CAPN11: variants seen among roughly 807,000 people sequenced by gnomAD.
CAPN11 encodes calpain-11.
CAPN11 carries 108 observed loss-of-function variants against 105.3 expected under a neutral mutation model. The ratio of observed to expected loss-of-function variants is 1.03; its 90% CI spans 0.88 to 1.20. The LOEUF (loss-of-function observed/expected upper bound fraction) is 1.20, where lower values mean the gene tolerates loss of function less well. CAPN11 is among the 50% of genes most tolerant of loss of function. The pLI is 0.00. For missense variants in CAPN11, 883 were observed against 924.8 expected (o/e 0.95, Z 0.59); for synonymous variants, 329 against 344.5 (o/e 0.96, Z 0.50).
chr6:44,166,866 C>T (rs530355526), intron 2 of CAPN11, 37 bp downstream of exon 2: 1 of 1,374,990 alleles, frequency 7.3e-7, no homozygotes, highest in South Asian at 1.2e-5. Context: ...TGTGGCCTCC[C>T]TTTTTCTTCC....
chr6:44,182,609 T>C (rs1448529138), intron 19 of CAPN11, among the ~76,000 whole-genome samples: 1 of 152,174 alleles, frequency 6.6e-6, no homozygotes, highest in Non-Finnish European at 1.5e-5. Flanking sequence ...TTTCTTTTTT[T>C]TGAGACGGAA....
chr6:44,173,376 GC>G lies in CAPN11; in HGVS notation c.822del (p.Ser275ProfsTer13). 1 of 1,608,808 alleles carries G rather than the reference GC, an allele frequency of 6.2e-7. No homozygotes were observed. On this transcript the variant is annotated frameshift_variant, in exon 7 of 23. Transcript: ENST00000398776. LOFTEE classifies it high-confidence loss of function. Reference sequence around the variant, plus strand: ...GTGGAGCGATCCTCCCTCATGGGTTGCTCCATTGAAGTAAGCAAAGCATGGT... The same window carrying G: ...GTGGAGCGATCCTCCCTCATGGGTTGTCCATTGAAGTAAGCAAAGCATGGT... ...KAVERSSLMG[C>X]SIEVTSDSEL...
Position 44,184,315 on chromosome 6 carries a change from C to A in CAPN11, c.*383C>A, listed in dbSNP as rs1360662223. The A allele has an allele frequency of 3.8e-6, 1 of 264,798 alleles. No homozygotes were observed. Among genetic ancestry groups the A allele is most frequent in the Non-Finnish European group, 7.3e-6 (1 of 137,288 alleles). The allele number at this position is 264,798 out of a possible 1,614,324, so 16.4% of individuals were successfully genotyped here. On this transcript the variant is annotated 3_prime_UTR_variant, in exon 23 of 23. Coordinates refer to ENST00000398776, the MANE Select transcript of CAPN11 (RefSeq NM_007058.4). ...TCCATGCTTGCTGTCCTGCTCACAC[C>A]TACCTGCTGACCACCCATCCTGGCA...
intron 19 of CAPN11, 98 bp downstream of exon 19, chr6:44,181,418 A>ACACACACACACACCCAACAACACCACACT (rs1561853608): frequency 2.2e-5 from 2 of 90,718 alleles, no homozygotes; most frequent in African/African-American, 1.4e-4. Flanking sequence ...AGCCCTAACC[A>ACACACACACACACCCAACAACACCACACT]CACACACACA....
chr6:44,176,266 G>A lies in CAPN11; in HGVS notation c.929G>A (p.Gly310Asp). 6.2e-7 allele frequency: 1 copy of A among 1,613,836 alleles called. No homozygotes were observed. Among genetic ancestry groups the A allele is most frequent in the Non-Finnish European group, 8.5e-7 (1 of 1,179,836 alleles). The change falls in exon 9 of 23, where the codon GGC becomes GAC. Residue 310 changes from glycine (G) to aspartate (D), a missense_variant. Coordinates refer to ENST00000398776, the MANE Select transcript of CAPN11 (RefSeq NM_007058.4). The part of the protein sequence containing the change: ...VTGLQDVHYR[G>D]KMETLIRVRN... ...CCGCCCACCCAGGTCCACTACAGAG[G>A]CAAAATGGAAACACTGATTCGGGTC... is the stretch of plus-strand genomic sequence containing the variant.
At chr6:44,167,916 G>GAAA (rs33957790) in intron 2 of CAPN11, among the ~76,000 whole-genome samples, 42 of 148,478 alleles carry the variant, frequency 2.8e-4, no homozygotes, top group South Asian at 6.4e-4. Flanking sequence ...ACTCTGTTTT[G>GAAA]AAAAAAAAAA....
rs773324198 is a variant in CAPN11, at chr6:44,183,936, C to T, written c.*4C>T. On this transcript the variant is annotated 3_prime_UTR_variant, in exon 23 of 23. Transcript: ENST00000398776. ...GCAGATGACCATGTGGGGATAGAGG[C>T]GCTGTAGGAGCCTGGTCATCTCTAC... The T allele has an allele frequency of 2.6e-5, 40 of 1,554,176 alleles. No individual in the cohort carries two copies. Among genetic ancestry groups the T allele is most frequent in the Admixed American group, 3.9e-5 (2 of 51,402 alleles).
At position 44,169,426 on chromosome 6, in the gene CAPN11, G is replaced by A. The variant is rs746898796; in HGVS notation, c.234G>A (p.Glu78=). The A allele has an allele frequency of 6.2e-7, 1 of 1,613,430 alleles. No homozygotes were observed. Among genetic ancestry groups the A allele is most frequent in the Non-Finnish European group, 8.5e-7 (1 of 1,179,720 alleles). ...GAGCAGCCTGTCTAAGAAAGGGGGA[G>A]CTCTTCGAGGACCCCTTATTCCCTG... is the stretch of plus-strand genomic sequence containing the variant. ...ELRAACLRKG[E]LFEDPLFPAE... is the part of the protein sequence containing the mutation. The change falls in exon 3 of 23, where the codon GAG becomes GAA. Residue 78 remains glutamate, a synonymous_variant. Coordinates refer to ENST00000398776, the MANE Select transcript of CAPN11 (RefSeq NM_007058.4).
At position 44,160,121 on chromosome 6, in the gene CAPN11, C is replaced by T. The variant is rs192181306; in HGVS notation, c.16+1257C>T. ...CGCACCCCAAGCCTGGGCGACACAG[C>T]GAGACTCCATCTCAAAAAAAAAAGA... On this transcript the variant is annotated intron_variant, in intron 1 of 22. Transcript: ENST00000398776. 3.9e-3 allele frequency among the ~76,000 whole-genome samples: 598 copies of T among 151,462 alleles called. 4 individuals are homozygous for T. The highest frequency in any genetic ancestry group is 4.9e-3 in the Admixed American group (74 of 15,224).
At chr6:44,176,210 C>T in intron 8 of CAPN11, 43 bp from the exon 9 acceptor site, 1 of 1,606,990 alleles carries the variant, frequency 6.2e-7, no homozygotes. Flanking sequence ...GAACGTCTCC[C>T]TGACCCCATA....
chr6:44,167,672 G>T (rs756255126), intron 2 of CAPN11, among the ~76,000 whole-genome samples: 2 of 152,060 alleles, frequency 1.3e-5, no homozygotes, highest in Non-Finnish European at 2.9e-5. Context: ...CACTTTGGGA[G>T]GCCAAGACTG....
intron 1 of CAPN11, among the ~76,000 whole-genome samples, chr6:44,164,796 C>T (rs1296619046): frequency 1.3e-5 from 2 of 152,130 alleles, no homozygotes; most frequent in Admixed American, 1.3e-4. Context: ...TTGGGTTTGT[C>T]ATGCTAACAA....
intron 7 of CAPN11, among the ~76,000 whole-genome samples, chr6:44,174,196 A>G (rs1380878352): frequency 6.6e-6 from 1 of 152,198 alleles, no homozygotes. Flanking sequence ...GTTTGTACAC[A>G]AATGTTTACA....
Position 44,164,985 on chromosome 6 carries a change from G to GT in CAPN11, c.17-1771dup, listed in dbSNP as rs1299951870. 9.9e-5 allele frequency among the ~76,000 whole-genome samples: 15 copies of GT among 152,234 alleles called. No individual in the cohort carries two copies. In the East Asian group the frequency reaches 2.9e-3, roughly 29 times the overall value. ...ACTCACTGCAACCTCCACCTCCCAG[G>GT]TTCAAGCCACCTCCTGCCTCAGCCA... On this transcript the variant is annotated intron_variant, in intron 1 of 22. Transcript: ENST00000398776.
At chr6:44,170,496 C>G (rs1313666562) in intron 4 of CAPN11, among the ~76,000 whole-genome samples, 1 of 152,190 alleles carries the variant, frequency 6.6e-6, no homozygotes, top group African/African-American at 2.4e-5. Flanking sequence ...ACCACATAGG[C>G]TTCTCCATGG....
intron 12 of CAPN11, among the ~76,000 whole-genome samples, chr6:44,178,750 TAAAAA>T (rs35225903): frequency 8.6e-6 from 1 of 116,066 alleles, no homozygotes; most frequent in Non-Finnish European, 1.7e-5. Context: ...CTGTCTCGAT[TAAAAA>T]AAAAAAAAAA....
At chr6:44,177,701 G>A in intron 12 of CAPN11, 1 of 323,206 alleles carries the variant, frequency 3.1e-6, no homozygotes, top group South Asian at 3.6e-5. Context: ...TGGCTAGGCT[G>A]GTCTGGAACT....
chr6:44,162,635 G>A (rs753232158), intron 1 of CAPN11, among the ~76,000 whole-genome samples: 27 of 152,226 alleles, frequency 1.8e-4, no homozygotes, highest in African/African-American at 6.3e-4. Context: ...AATGGGATGT[G>A]CTTAGAATAG....
chr6:44,183,554 T>C (rs999028655), intron 21 of CAPN11, 151 bp from the exon 22 acceptor site: 2 of 747,608 alleles, frequency 2.7e-6, no homozygotes, highest in Non-Finnish European at 4.7e-6. Context: ...CTATGTGAGT[T>C]GCTATCATTA....
Sources: allele counts gnomAD v4.1 joint callset (sites outside exome capture counted in the v4.1 genomes callset), GRCh38; gene constraint gnomAD v4.1.1; transcripts MANE v1.5; gene names NCBI Gene and HGNC (gene_info 2026-07-23, HGNC 2026-07-21).